CCDC85A: variants seen among roughly 807,000 people sequenced by gnomAD.
The protein encoded by CCDC85A is coiled-coil domain-containing protein 85A.
Under a neutral mutation model 50.2 loss-of-function variants are expected in CCDC85A, and 38 were observed. The observed-to-expected ratio is 0.76, with a 90% CI of 0.58 to 0.99. The LOEUF (loss-of-function observed/expected upper bound fraction) is 0.99. CCDC85A is among the 50% of genes least tolerant of loss of function. The probability of loss-of-function intolerance (pLI) is 0.00; values close to 1 mark genes in which losing one functional copy is unlikely to be tolerated. For synonymous variants in CCDC85A, 366 were observed against 301.4 expected (o/e 1.21, Z -2.22); for missense variants, 820 against 742.0 (o/e 1.11, Z -1.22).
At chr2:56,251,867 G>T (rs1669773293) in intron 2 of CCDC85A, among the ~76,000 whole-genome samples, 4 of 151,642 alleles carry the variant, frequency 2.6e-5, no homozygotes, top group Non-Finnish European at 5.9e-5. Flanking sequence ...CAGGAGAGAA[G>T]GTGGCTGATT....
At chr2:56,317,558 A>G (rs1164321222) in intron 2 of CCDC85A, among the ~76,000 whole-genome samples, 2 of 152,092 alleles carry the variant, frequency 1.3e-5, no homozygotes, top group East Asian at 3.9e-4. Context: ...TTCCTCATTA[A>G]GAGGAAATTT....
At chr2:56,336,079 T>G (rs1366416502) in intron 2 of CCDC85A, among the ~76,000 whole-genome samples, 1 of 152,200 alleles carries the variant, frequency 6.6e-6, no homozygotes, top group Non-Finnish European at 1.5e-5. Context: ...GAGAGCCACA[T>G]AAAAGCTAAC....
rs1358673724 is a variant in CCDC85A, at chr2:56,184,520, G to T, written c.-105G>T. On this transcript the variant is annotated 5_prime_UTR_variant, in exon 1 of 6. Transcript: ENST00000407595. ...GGCCCCTGGGCGGTGCCGCTGACTCGCCGGAGCGCACAGGGGTGTGGGCGG... is the reference window on the plus strand; with the variant it reads ...GGCCCCTGGGCGGTGCCGCTGACTCTCCGGAGCGCACAGGGGTGTGGGCGG... 9.0e-6 allele frequency: 11 copies of T among 1,217,812 alleles called. No homozygotes were observed. Among genetic ancestry groups the T allele is most frequent in the Non-Finnish European group, 9.3e-6 (9 of 963,518 alleles). 75.4% of individuals were successfully genotyped at this position (1,217,812 alleles called of 1,614,324 possible).
intron 1 of CCDC85A, among the ~76,000 whole-genome samples, chr2:56,190,824 C>T (rs1676261473): frequency 2.6e-5 from 4 of 152,188 alleles, no homozygotes; most frequent in African/African-American, 9.7e-5. Context: ...TCCTGACCCT[C>T]CCTTCTTTCC....
intron 2 of CCDC85A, among the ~76,000 whole-genome samples, chr2:56,237,187 T>A (rs1319380732): frequency 1.3e-5 from 2 of 151,826 alleles, no homozygotes; most frequent in African/African-American, 4.8e-5. Context: ...GTGTGAAGAG[T>A]CACTCACTCA....
chr2:56,309,877 A>G (rs1033149834), intron 2 of CCDC85A, among the ~76,000 whole-genome samples: 2 of 152,076 alleles, frequency 1.3e-5, no homozygotes, highest in African/African-American at 4.8e-5. Context: ...TCATGTACAG[A>G]CTTTTTATGG....
In CCDC85A at chr2:56,184,563, C is replaced by G; in HGVS notation, c.-62C>G. On this transcript the variant is annotated 5_prime_UTR_variant, in exon 1 of 6. Coordinates refer to ENST00000407595, the MANE Select transcript of CCDC85A (RefSeq NM_001080433.2). ...GTGGGCGGAGGCGGCCTCGCCGCGC[C>G]CGCGCCTTCGGGAGTCGCCTCGCCT... 7.4e-7 allele frequency: 1 copy of G among 1,360,486 alleles called. No individual in the cohort carries two copies. Among genetic ancestry groups the G allele is most frequent in the Non-Finnish European group, 9.4e-7 (1 of 1,065,764 alleles). 84.3% of individuals were successfully genotyped at this position (1,360,486 alleles called of 1,614,324 possible).
At chr2:56,298,837 T>C (rs1033910076) in intron 2 of CCDC85A, among the ~76,000 whole-genome samples, 4 of 152,150 alleles carry the variant, frequency 2.6e-5, no homozygotes, top group Non-Finnish European at 5.9e-5. Flanking sequence ...TGAAATGCTG[T>C]GATTTTATTA....
chr2:56,351,777 G>A (rs372444364), intron 3 of CCDC85A, among the ~76,000 whole-genome samples: 454 of 151,082 alleles, frequency 3.0e-3, no homozygotes, highest in African/African-American at 9.6e-3. Flanking sequence ...AGTAGGTTGC[G>A]AAAATTTTCT....
intron 2 of CCDC85A, among the ~76,000 whole-genome samples, chr2:56,295,053 T>C (rs1191188424): frequency 5.3e-5 from 8 of 152,244 alleles, no homozygotes; most frequent in Non-Finnish European, 1.2e-4. Flanking sequence ...GGCATCCAGA[T>C]TGCTGAAGAA....
intron 2 of CCDC85A, among the ~76,000 whole-genome samples, chr2:56,246,602 T>C (rs1669522273): frequency 6.6e-6 from 1 of 152,202 alleles, no homozygotes; most frequent in African/African-American, 2.4e-5. Flanking sequence ...CCAGTTGTTC[T>C]GGCACCATTT....
chr2:56,304,824 G>A (rs908901858), intron 2 of CCDC85A, among the ~76,000 whole-genome samples: 5 of 151,878 alleles, frequency 3.3e-5, no homozygotes, highest in African/African-American at 7.2e-5. Context: ...CAGGGCGGGC[G>A]GATCACCTGA....
At chr2:56,252,693 GC>G (rs948196506) in intron 2 of CCDC85A, among the ~76,000 whole-genome samples, 1 of 151,826 alleles carries the variant, frequency 6.6e-6, no homozygotes. Flanking sequence ...CCCTCCTCGG[GC>G]CCCCCCGCCC....
intron 4 of CCDC85A, among the ~76,000 whole-genome samples, chr2:56,374,485 T>C (rs1676237937): frequency 6.6e-6 from 1 of 152,204 alleles, no homozygotes; most frequent in South Asian, 2.1e-4. Flanking sequence ...GGGTGCAGTT[T>C]TCTCTTCTTA....
chr2:56,304,943 C>CAA (rs202134056), intron 2 of CCDC85A, among the ~76,000 whole-genome samples: 2 of 132,714 alleles, frequency 1.5e-5, no homozygotes, highest in South Asian at 2.3e-4. Context: ...AACAAAAAAA[C>CAA]AAAAAAAAAA....
chr2:56,326,680 A>G (rs911603429), intron 2 of CCDC85A, among the ~76,000 whole-genome samples: 9 of 152,322 alleles, frequency 5.9e-5, no homozygotes, highest in African/African-American at 2.2e-4. Flanking sequence ...AGTTAAAAAA[A>G]ACCCTGACAC....
At chr2:56,292,634 A>G (rs952400032) in intron 2 of CCDC85A, among the ~76,000 whole-genome samples, 3 of 152,202 alleles carry the variant, frequency 2.0e-5, no homozygotes, top group Non-Finnish European at 4.4e-5. Flanking sequence ...CACCTAGGCA[A>G]TAAATAAATA....
intron 2 of CCDC85A, among the ~76,000 whole-genome samples, chr2:56,293,586 G>T: frequency 6.6e-6 from 1 of 151,428 alleles, no homozygotes; most frequent in Non-Finnish European, 1.5e-5. Context: ...CTAATATTCA[G>T]ATCTACAAGG....
intron 2 of CCDC85A, among the ~76,000 whole-genome samples, chr2:56,285,651 C>T (rs957210984): frequency 9.4e-5 from 14 of 149,676 alleles, no homozygotes; most frequent in African/African-American, 3.2e-4. Flanking sequence ...ACATTTTACT[C>T]CCCTGGCTTT....
Sources: gnomAD v4.1 joint callset for allele counts (sites outside exome capture counted in the v4.1 genomes callset) on GRCh38, gnomAD v4.1.1 for gene constraint, MANE v1.5 for transcripts, NCBI Gene and HGNC (gene_info 2026-07-23, HGNC 2026-07-21) for gene names.